Variants in FHL2 observed in about 807,000 individuals in gnomAD.
The protein encoded by FHL2 is four and a half LIM domains protein 2.
Under a neutral mutation model 32.7 loss-of-function variants are expected in FHL2, and 20 were observed. The ratio of observed to expected loss-of-function variants is 0.61; its 90% CI spans 0.43 to 0.89. The LOEUF is 0.89. FHL2 is among the 40% of genes least tolerant of loss of function. The pLI, the probability that FHL2 is intolerant of heterozygous loss-of-function variation, is 0.00. For synonymous variants in FHL2, 123 were observed against 128.1 expected (o/e 0.96, Z 0.27); for missense variants, 311 against 358.6 (o/e 0.87, Z 1.07).
intron 5 of FHL2, 51 bp downstream of exon 5, chr2:105,367,519 T>C (rs374958981): frequency 2.1e-5 from 32 of 1,551,842 alleles, no homozygotes; most frequent in African/African-American, 5.4e-5. Flanking sequence ...ACATGGACCA[T>C]GGAGGCAAAC....
chr2:105,360,346 G>A (rs1482110740), downstream of FHL2: 1 of 149,894 alleles, frequency 6.7e-6, no homozygotes, highest in African/African-American at 2.4e-5. Context: ...AGGAAGAGGT[G>A]CCTGGTGCTG....
Position 105,367,635 on chromosome 2 carries a change from T to C in FHL2, c.436A>G (p.Asn146Asp). The change falls in exon 5 of 7, where the codon AAT (asparagine) becomes GAT (aspartate). Residue 146 changes from asparagine (N) to aspartate (D), a missense_variant. Physicochemically the swap from Asn to Asp is conservative, Grantham distance 23. Coordinates refer to ENST00000530340, the MANE Select transcript of FHL2 (RefSeq NM_001318895.3). Reference sequence around the variant, plus strand: ...TAGCAGGGCACACAGAAATTCTGATTGTCTTTGGGGATGAAACTCTTGGTT... The same window carrying C: ...TAGCAGGGCACACAGAAATTCTGATCGTCTTTGGGGATGAAACTCTTGGTT... ...IGTKSFIPKD[N>D]QNFCVPCYEK... 2 of 1,614,164 alleles carry C rather than the reference T, an allele frequency of 1.2e-6. No individual in the cohort carries two copies. Among genetic ancestry groups the C allele is most frequent in the Non-Finnish European group, 1.7e-6 (2 of 1,180,014 alleles).
At chr2:105,396,764 C>A (rs1683158214) in intron 1 of FHL2, 67 bp from the exon 2 acceptor site, 18 of 1,317,420 alleles carry the variant, frequency 1.4e-5, no homozygotes, top group Non-Finnish European at 1.6e-5. Flanking sequence ...TATAATGCAA[C>A]TTGAGATGGA....
intron 1 of FHL2, among the ~76,000 whole-genome samples, chr2:105,425,485 T>G (rs530865488): frequency 2.0e-5 from 3 of 151,902 alleles, no homozygotes; most frequent in Non-Finnish European, 4.4e-5. Context: ...GTAAAGGGTC[T>G]GTGCTGAGGT....
At chr2:105,401,927 G>C (rs1683476886), upstream of FHL2, among the ~76,000 whole-genome samples, 1 of 151,536 alleles carries the variant, frequency 6.6e-6, no homozygotes, top group Non-Finnish European at 1.5e-5. Context: ...AATTTTTACT[G>C]TACACATTTT....
chr2:105,380,744 G>A (rs558258565), intron 3 of FHL2, among the ~76,000 whole-genome samples: 3 of 151,988 alleles, frequency 2.0e-5, no homozygotes, highest in Admixed American at 6.6e-5. Flanking sequence ...GGAAATATCC[G>A]GTTTTAAATT....
upstream of FHL2, chr2:105,399,283 G>C (rs780058137): frequency 6.5e-7 from 1 of 1,535,822 alleles, no homozygotes; most frequent in East Asian, 2.4e-5. Flanking sequence ...AGTAGTTATC[G>C]GGAGCGTCGC....
At chr2:105,394,789 G>C (rs1683010087) in intron 2 of FHL2, among the ~76,000 whole-genome samples, 1 of 152,102 alleles carries the variant, frequency 6.6e-6, no homozygotes, top group South Asian at 2.1e-4. Context: ...TGTACAGACA[G>C]GTGTCAGAGG....
chr2:105,410,237 T>C (rs1683752372), intron 1 of FHL2, among the ~76,000 whole-genome samples: 1 of 152,240 alleles, frequency 6.6e-6, no homozygotes, highest in African/African-American at 2.4e-5. Context: ...GCTTGCCAGC[T>C]AGGAGAACAC....
At chr2:105,378,164 G>A (rs1376490747) in intron 3 of FHL2, 13 of 471,058 alleles carry the variant, frequency 2.8e-5, no homozygotes, top group South Asian at 2.0e-4. Flanking sequence ...ATGGGTCCAA[G>A]GCACTGCAGA....
chr2:105,399,177 G>T, upstream of FHL2: 2 of 1,400,664 alleles, frequency 1.4e-6, no homozygotes, highest in Non-Finnish European at 1.8e-6. Context: ...CAGGCCTCGC[G>T]GTTGCCGTGC....
intron 3 of FHL2, chr2:105,377,716 A>G (rs538876793): frequency 9.1e-6 from 2 of 220,476 alleles, no homozygotes; most frequent in Admixed American, 5.3e-5. Context: ...CCCCCTGTGC[A>G]GGCGAGCCAC....
At chr2:105,372,180 G>C (rs1333347304) in intron 4 of FHL2, among the ~76,000 whole-genome samples, 2 of 152,122 alleles carry the variant, frequency 1.3e-5, no homozygotes, top group Non-Finnish European at 2.9e-5. Context: ...CCAAAGGTCA[G>C]ATTACCTCCT....
Position 105,425,357 on chromosome 2 carries a change from G to C in FHL2, c.-25+13042C>G, listed in dbSNP as rs148247089. ...CCAGGGGCACAATGCACTGCAGAAA[G>C]CCGCAGGGAACTCTGCCCTTGAAAG... On this transcript the variant is annotated intron_variant, in intron 1 of 5. Transcript: ENST00000393352. 1.1e-3 allele frequency among the ~76,000 whole-genome samples: 175 copies of C among 152,310 alleles called. 1 individual carries two copies. The highest frequency in any genetic ancestry group is 3.8e-3 in the African/African-American group (160 of 41,572).
chr2:105,438,185 G>C (rs1334198125), intron 1 of FHL2, among the ~76,000 whole-genome samples: 3 of 152,134 alleles, frequency 2.0e-5, no homozygotes, highest in Non-Finnish European at 4.4e-5. Flanking sequence ...GGGCAGGGTG[G>C]CTTCTGTTCT....
intron 1 of FHL2, among the ~76,000 whole-genome samples, chr2:105,426,078 G>A (rs1294346208): frequency 6.6e-6 from 1 of 151,806 alleles, no homozygotes; most frequent in Non-Finnish European, 1.5e-5. Flanking sequence ...GATGTATTTG[G>A]TATTTGCTTC....
intron 3 of FHL2, among the ~76,000 whole-genome samples, chr2:105,383,657 C>T (rs879489565): frequency 4.6e-5 from 7 of 152,174 alleles, no homozygotes; most frequent in Non-Finnish European, 8.8e-5. Context: ...AGAGATTGGC[C>T]ACCAGACCTA....
intron 3 of FHL2, among the ~76,000 whole-genome samples, chr2:105,379,558 C>T (rs1253304258): frequency 4.6e-5 from 7 of 152,138 alleles, no homozygotes; most frequent in Admixed American, 3.3e-4. Flanking sequence ...TTCAATGTAA[C>T]GACACCAAAA....
intron 2 of FHL2, among the ~76,000 whole-genome samples, chr2:105,388,696 T>A (rs1208613965): frequency 6.6e-6 from 1 of 151,868 alleles, no homozygotes; most frequent in African/African-American, 2.4e-5. Flanking sequence ...TAGCCGGGCT[T>A]ACTGGCACAT....
Sources: allele counts gnomAD v4.1 joint callset (sites outside exome capture counted in the v4.1 genomes callset), GRCh38; gene constraint gnomAD v4.1.1; transcripts MANE v1.5; gene names NCBI Gene and HGNC (gene_info 2026-07-23, HGNC 2026-07-21).